Variants in GIPR observed in about 807,000 individuals in gnomAD.
GIPR encodes the protein GIP-R.
Under a neutral mutation model 62.2 loss-of-function variants are expected in GIPR, and 74 were observed. That is an observed-to-expected ratio of 1.19 (90% CI 0.99 to 1.44). GIPR has a LOEUF of 1.44. Ranked by LOEUF, GIPR falls within the 40% of genes most tolerant of loss-of-function variation. GIPR has a pLI of 0.00. For synonymous variants in GIPR, 256 were observed against 262.2 expected (o/e 0.98, Z 0.23); for missense variants, 664 against 611.8 (o/e 1.09, Z -0.90).
At chr19:45,670,418 T>G in intron 2 of GIPR, 4 of 440,164 alleles carry the variant, frequency 9.1e-6, no homozygotes, top group East Asian at 7.2e-5. Context: ...CCCTCCCCAA[T>G]TTTCTTGAAG....
At chr19:45,671,206 A>C in intron 3 of GIPR, 79 bp from the exon 4 acceptor site, 1 of 836,912 alleles carries the variant, frequency 1.2e-6, no homozygotes, top group Non-Finnish European at 2.0e-6. Flanking sequence ...GCGGAGAAGC[A>C]CTTGGCCCAC....
chr19:45,676,968 C>T lies in GIPR; in HGVS notation c.653C>T (p.Thr218Met). The T allele has an allele frequency of 2.5e-6, 4 of 1,614,084 alleles. No individual in the cohort carries two copies. Among genetic ancestry groups the T allele is most frequent in the Non-Finnish European group, 2.5e-6 (3 of 1,180,010 alleles). Residue 218 changes from threonine to methionine, a missense_variant, in exon 8 of 14, where the codon ACG (threonine) becomes ATG (methionine). Coordinates refer to ENST00000590918, the MANE Select transcript of GIPR (RefSeq NM_000164.4). ...CCCTAGGCCCTCGCTGCCTGCCGCA[C>T]GGCCCAGATCGTGACCCAGTACTGC... ...LWNQALAACR[T>M]AQIVTQYCVG...
At chr19:45,674,211 A>G in intron 6 of GIPR, 34 bp downstream of exon 6, 1 of 1,358,680 alleles carries the variant, frequency 7.4e-7, no homozygotes, top group Non-Finnish European at 1.1e-6. Flanking sequence ...GGCGGCAGAG[A>G]TGTGAGCTCG....
chr19:45,674,558 G>A (rs1975729679), intron 6 of GIPR, 124 bp from the exon 7 acceptor site: 4 of 861,822 alleles, frequency 4.6e-6, no homozygotes, highest in Admixed American at 1.9e-5. Flanking sequence ...AGTGAGCCCT[G>A]ATTGTGTCAC....
chr19:45,674,371 G>A (rs1975720327), intron 6 of GIPR, 194 bp downstream of exon 6: 1 of 670,236 alleles, frequency 1.5e-6, no homozygotes, highest in Non-Finnish European at 2.7e-6. Flanking sequence ...TCTTTGGGAT[G>A]CCAAGGCAGG....
intron 1 of GIPR, 84 bp from the exon 2 acceptor site, chr19:45,669,393 C>T: frequency 7.4e-7 from 1 of 1,347,406 alleles, no homozygotes; most frequent in Non-Finnish European, 1.0e-6. Context: ...GCCGTCTGCC[C>T]CTGTGTGTGA....
At chr19:45,677,438 T>A in intron 9 of GIPR, 55 bp downstream of exon 9, 1 of 1,210,318 alleles carries the variant, frequency 8.3e-7, no homozygotes, top group Non-Finnish European at 1.2e-6. Context: ...TTTGAGGGAC[T>A]GTGGCGGGTT....
intron 6 of GIPR, 80 bp from the exon 7 acceptor site, chr19:45,674,602 G>GT (rs1397461303): frequency 4.4e-6 from 6 of 1,372,132 alleles, no homozygotes; most frequent in Non-Finnish European, 6.2e-6. Context: ...GTGAGACCCT[G>GT]TTTAAAAAAA....
In GIPR at chr19:45,681,587, G is replaced by C. The variant is rs1257112031; in HGVS notation, c.1153-17G>C. On this transcript the variant is annotated splice_polypyrimidine_tract_variant and intron_variant, in intron 12 of 13. Coordinates refer to ENST00000590918, the MANE Select transcript of GIPR (RefSeq NM_000164.4). ...TGCCCCCACCAGCGATGTAACCTCCGCGCCTCCTCTGGGCAGGGCTTCCTG... is the reference window on the plus strand; with the variant it reads ...TGCCCCCACCAGCGATGTAACCTCCCCGCCTCCTCTGGGCAGGGCTTCCTG... 6.2e-7 allele frequency: 1 copy of C among 1,612,868 alleles called. No homozygotes were observed. Among genetic ancestry groups the C allele is most frequent in the Non-Finnish European group, 8.5e-7 (1 of 1,179,414 alleles).
rs1800437 is a variant in GIPR, at chr19:45,678,134, G to C, written c.1060G>C (p.Glu354Gln). 307,643 of 1,611,060 alleles carry C rather than the reference G, an allele frequency of 0.19. 30,514 individuals are homozygous for C. The highest frequency in any genetic ancestry group is 0.21 in the East Asian group (9,550 of 44,740). Residue 354 changes from glutamate to glutamine, a missense_variant, in exon 12 of 14, where the codon GAG (glutamate) becomes CAG (glutamine). Physicochemically the swap from Glu to Gln is conservative, Grantham distance 29 (BLOSUM62 2). Transcript: ENST00000590918. ...LTLVPLLGVH[E>Q]VVFAPVTEEQ... ...GCTGGTGCCCCTGCTGGGTGTCCAC[G>C]AGGTGGTGTTTGCTCCCGTGACAGA...
chr19:45,668,987 A>T (rs1975397000), intron 1 of GIPR, among the ~76,000 whole-genome samples: 1 of 151,804 alleles, frequency 6.6e-6, no homozygotes, highest in African/African-American at 2.4e-5. Context: ...GGCTGTGGGA[A>T]CTCAGATGGG....
rs1433244034 is a variant in GIPR, at chr19:45,682,158, T to G, written c.*223T>G. On this transcript the variant is annotated 3_prime_UTR_variant, in exon 14 of 14. Transcript: ENST00000590918. ...TATGAAGGGAAGCGAGAAGGGGGCC[T>G]AGGGTGGTCTGGGAGGCGTCTCCAA... The G allele has an allele frequency of 1.8e-6, 1 of 566,650 alleles. No individual in the cohort carries two copies. Among genetic ancestry groups the G allele is most frequent in the African/African-American group, 2.0e-5 (1 of 50,852 alleles). 35.1% of individuals were successfully genotyped at this position (566,650 alleles called of 1,614,324 possible).
At chr19:45,678,962 C>T (rs1377424263) in intron 12 of GIPR, among the ~76,000 whole-genome samples, 1 of 152,208 alleles carries the variant, frequency 6.6e-6, no homozygotes, top group Non-Finnish European at 1.5e-5. Context: ...GCTTGGTTTA[C>T]CTGAGTCCCC....
chr19:45,677,718 A>G lies in GIPR; in HGVS notation c.863A>G (p.Glu288Gly), dbSNP rs143430880. Residue 288 changes from glutamate (E) to glycine (G), a missense_variant, in exon 10 of 14, where the codon GAG (glutamate) becomes GGG (glycine). Coordinates refer to ENST00000590918, the MANE Select transcript of GIPR (RefSeq NM_000164.4). ...TACTCCGCCTTCCCCAGGTGCTGGG[A>G]GCGCAACGAAGTCAAGGCCATTTGG... ...RYLYENTQCW[E>G]RNEVKAIWWI... 1.7e-3 allele frequency: 2,669 copies of G among 1,612,414 alleles called. 7 individuals carry two copies. Among genetic ancestry groups the G allele is most frequent in the South Asian group, 2.5e-3 (231 of 91,050 alleles).
chr19:45,678,395 G>T (rs962467321), intron 12 of GIPR, 169 bp downstream of exon 12: 1 of 821,970 alleles, frequency 1.2e-6, no homozygotes, highest in Non-Finnish European at 1.9e-6. Flanking sequence ...ACGGATTCTC[G>T]CCCTGTCGCC....
rs546589322 is a variant in GIPR, at chr19:45,678,105, T to C, written c.1031T>C (p.Leu344Pro). ...CTCCCCAGGCTGGCTCGCTCCACGC[T>C]GACGCTGGTGCCCCTGCTGGGTGTC... ...DYRLRLARST[L>P]TLVPLLGVHE... Residue 344 changes from leucine (L) to proline (P), a missense_variant, in exon 12 of 14, where the codon CTG (leucine) becomes CCG (proline). Leu to Pro is a moderately conservative substitution (Grantham distance 98, BLOSUM62 -3). Transcript: ENST00000590918. 14 of 1,612,656 alleles carry C rather than the reference T, an allele frequency of 8.7e-6. No homozygotes were observed. The African/African-American group carries it at 1.2e-4, about 14-fold the overall frequency.
At chr19:45,669,641 G>C (rs556155218) in intron 2 of GIPR, 49 bp downstream of exon 2, 2 of 1,543,772 alleles carry the variant, frequency 1.3e-6, no homozygotes, top group South Asian at 1.2e-5. Flanking sequence ...GGGAGGTATG[G>C]GGACGGTTTT....
At chr19:45,670,586 T>C (rs1485274276) in intron 2 of GIPR, 49 bp from the exon 3 acceptor site, 4 of 1,337,496 alleles carry the variant, frequency 3.0e-6, no homozygotes, top group African/African-American at 1.4e-5. Context: ...CCTAGCAGCC[T>C]GGGAGCGGGG....
At chr19:45,679,773 A>ATT (rs71338792) in intron 12 of GIPR, among the ~76,000 whole-genome samples, 50 of 145,652 alleles carry the variant, frequency 3.4e-4, no homozygotes, top group Non-Finnish European at 5.8e-4. Flanking sequence ...CACTTGACTA[A>ATT]TTTTTTTTTT....
Sources: allele counts gnomAD v4.1 joint callset (sites outside exome capture counted in the v4.1 genomes callset), GRCh38; gene constraint gnomAD v4.1.1; transcripts MANE v1.5; gene names NCBI Gene and HGNC (gene_info 2026-07-23, HGNC 2026-07-21).